Variants in SNAP25 observed in about 807,000 individuals in gnomAD.
The protein encoded by SNAP25 is synaptosomal-associated protein 25.
In SNAP25, 3 loss-of-function variants were observed where a neutral mutation model predicts 28.7. The observed-to-expected ratio is 0.10, with a 90% confidence interval of 0.05 to 0.27. The LOEUF (loss-of-function observed/expected upper bound fraction) is 0.27, where lower values mean the gene tolerates loss of function less well. Among genes scored for constraint, SNAP25 ranks in the 10% least tolerant of loss-of-function variants. SNAP25 has a pLI of 1.00. For synonymous variants in SNAP25, 61 were observed against 88.1 expected (o/e 0.69, Z 1.72); for missense variants, 117 against 278.7 (o/e 0.42, Z 4.13).
At chr20:10,242,053 C>T (rs539866102) in intron 1 of SNAP25, among the ~76,000 whole-genome samples, 2 of 152,254 alleles carry the variant, frequency 1.3e-5, no homozygotes, top group African/African-American at 4.8e-5. Flanking sequence ...CCAGCGGGTG[C>T]GCACCATGGG....
At chr20:10,304,952 A>G (rs923530819) in intron 7 of SNAP25, among the ~76,000 whole-genome samples, 2 of 152,230 alleles carry the variant, frequency 1.3e-5, no homozygotes, top group Non-Finnish European at 2.9e-5. Flanking sequence ...TATGGACTAC[A>G]GTTAATTTTA....
chr20:10,231,577 T>C (rs1378480516), intron 1 of SNAP25: 1 of 152,218 alleles, frequency 6.6e-6, no homozygotes, highest in Non-Finnish European at 1.5e-5. Context: ...TCTCAGTCTG[T>C]TGTTACACTC....
chr20:10,258,508 G>A (rs1490367953), intron 1 of SNAP25, among the ~76,000 whole-genome samples: 1 of 152,140 alleles, frequency 6.6e-6, no homozygotes, highest in African/African-American at 2.4e-5. Context: ...CTTAGCGTTT[G>A]GCCACAAAAT....
At chr20:10,262,138 T>C (rs192343775) in intron 1 of SNAP25, among the ~76,000 whole-genome samples, 2 of 152,242 alleles carry the variant, frequency 1.3e-5, no homozygotes, top group African/African-American at 4.8e-5. Context: ...AAGGATGATA[T>C]CATGAAATAT....
chr20:10,260,585 T>A (rs1368832165), intron 1 of SNAP25, among the ~76,000 whole-genome samples: 1 of 152,114 alleles, frequency 6.6e-6, no homozygotes, highest in Non-Finnish European at 1.5e-5. Context: ...CAATCTGAGT[T>A]TTAACAAGTG....
At chr20:10,301,053 C>A (rs2064223781) in intron 7 of SNAP25, among the ~76,000 whole-genome samples, 1 of 152,092 alleles carries the variant, frequency 6.6e-6, no homozygotes. Context: ...CTAGATAATG[C>A]ATCAAAGCCA....
chr20:10,298,801 G>T (rs1446680210), intron 6 of SNAP25, among the ~76,000 whole-genome samples: 1 of 152,152 alleles, frequency 6.6e-6, no homozygotes, highest in Non-Finnish European at 1.5e-5. Flanking sequence ...CTCTGACTTA[G>T]CACAATAAGC....
At chr20:10,275,267 G>A (rs928634762) in intron 1 of SNAP25, among the ~76,000 whole-genome samples, 162 bp from the exon 2 acceptor site, 8 of 152,074 alleles carry the variant, frequency 5.3e-5, no homozygotes, top group South Asian at 2.1e-4. Context: ...GGCATCCTTC[G>A]GAGAAACAGC....
At chr20:10,252,737 G>A (rs865946374) in intron 1 of SNAP25, among the ~76,000 whole-genome samples, 6 of 149,726 alleles carry the variant, frequency 4.0e-5, no homozygotes, top group Middle Eastern at 6.9e-3. Context: ...GTTCCAATAT[G>A]ATATAAAAGA....
At chr20:10,239,589 T>A (rs1486381847) in intron 1 of SNAP25, among the ~76,000 whole-genome samples, 1 of 152,248 alleles carries the variant, frequency 6.6e-6, no homozygotes, top group African/African-American at 2.4e-5. Flanking sequence ...ATGCACTAAC[T>A]GAGCGCTCTA....
chr20:10,221,718 C>T (rs2062637852), intron 1 of SNAP25, among the ~76,000 whole-genome samples: 1 of 152,186 alleles, frequency 6.6e-6, no homozygotes, highest in South Asian at 2.1e-4. Flanking sequence ...GCAAACTACC[C>T]GTTAATTAGC....
In SNAP25 at chr20:10,306,211, T is replaced by C; in HGVS notation, c.*14T>C. The stretch of plus-strand genomic sequence containing the variant: ...GGAAGTGGTTAAGTGTGCCCACCCG[T>C]GTTCTCCTCCAAATGCTGTCGGGCA... On this transcript the variant is annotated 3_prime_UTR_variant, in exon 8 of 8. Transcript: ENST00000254976. 1 of 1,613,002 alleles carries C rather than the reference T, an allele frequency of 6.2e-7. No individual in the cohort carries two copies.
chr20:10,281,162 C>T (rs760557741), intron 3 of SNAP25, among the ~76,000 whole-genome samples: 1 of 152,118 alleles, frequency 6.6e-6, no homozygotes, highest in African/African-American at 2.4e-5. Flanking sequence ...TTCAACTCCC[C>T]TGTTTTTAGG....
At chr20:10,296,770 A>G (rs750987290) in intron 5 of SNAP25, 155 bp from the exon 6 acceptor site, 3 of 1,079,890 alleles carry the variant, frequency 2.8e-6, no homozygotes, top group Non-Finnish European at 3.9e-6. Context: ...GTGGTGGCCA[A>G]CTGTTTGGGT....
chr20:10,248,244 A>T (rs899835042), intron 1 of SNAP25, among the ~76,000 whole-genome samples: 2 of 152,226 alleles, frequency 1.3e-5, no homozygotes, highest in Non-Finnish European at 2.9e-5. Context: ...GGGTGCAGGG[A>T]GACCCGGGAG....
chr20:10,295,651 G>A (rs546202784), intron 5 of SNAP25, among the ~76,000 whole-genome samples: 7 of 151,032 alleles, frequency 4.6e-5, no homozygotes, highest in Admixed American at 1.3e-4. Context: ...GTCCTCTGGC[G>A]AAAGAAGAAG....
intron 1 of SNAP25, among the ~76,000 whole-genome samples, chr20:10,263,080 G>A (rs749253131): frequency 3.8e-5 from 5 of 131,526 alleles, no homozygotes; most frequent in Non-Finnish European, 7.8e-5. Context: ...GTGCAGTGGC[G>A]CAGTCTCAGC....
At chr20:10,230,368 A>T (rs550403604) in intron 1 of SNAP25, among the ~76,000 whole-genome samples, 2 of 152,246 alleles carry the variant, frequency 1.3e-5, no homozygotes, top group South Asian at 4.1e-4. Flanking sequence ...GAGAGGGGGA[A>T]AATGGTTCCT....
chr20:10,276,247 A>G (rs566473063), intron 2 of SNAP25, among the ~76,000 whole-genome samples: 4 of 152,282 alleles, frequency 2.6e-5, no homozygotes, highest in African/African-American at 7.2e-5. Context: ...CCAAGAGTTC[A>G]TGACCAGCCT....
Sources: allele counts gnomAD v4.1 joint callset (sites outside exome capture counted in the v4.1 genomes callset), GRCh38; gene constraint gnomAD v4.1.1; transcripts MANE v1.5; gene names NCBI Gene and HGNC (gene_info 2026-07-23, HGNC 2026-07-21).